Variants in ASTN2 observed in about 807,000 individuals in gnomAD.
ASTN2 encodes the protein astrotactin-2.
Under a neutral mutation model 139.8 loss-of-function variants are expected in ASTN2, and 54 were observed. The ratio of observed to expected loss-of-function variants is 0.39; its 90% CI spans 0.31 to 0.48. The LOEUF (loss-of-function observed/expected upper bound fraction) is 0.48. Among genes scored for constraint, ASTN2 ranks in the 20% least tolerant of loss-of-function variants. The pLI is 0.95. For missense variants in ASTN2, 1,565 were observed against 1,725.1 expected, an observed-to-expected ratio of 0.91 and a Z score of 1.64; for synonymous variants, 756 against 719.5, an observed-to-expected ratio of 1.05 and a Z score of -0.81.
chr9:116,505,321 T>G (rs192394190), intron 19 of ASTN2, among the ~76,000 whole-genome samples: 48 of 152,150 alleles, frequency 3.2e-4, no homozygotes, highest in Admixed American at 2.1e-3. Context: ...TGGTTCCCGC[T>G]CAGCTTTTCC....
intron 4 of ASTN2, among the ~76,000 whole-genome samples, chr9:117,132,740 C>T (rs1196219698): frequency 6.6e-6 from 1 of 152,122 alleles, no homozygotes; most frequent in African/African-American, 2.4e-5. Context: ...TCCCCGGCTG[C>T]ACCTCTTAGA....
Position 116,501,552 on chromosome 9 carries a change from G to C in ASTN2, c.3356-14052C>G, listed in dbSNP as rs1321087186. Among the ~76,000 whole-genome samples, 7 of 152,046 alleles carry C rather than the reference G, an allele frequency of 4.6e-5. No individual in the cohort carries two copies. The East Asian group carries it at 5.8e-4, about 13-fold the overall frequency. ...TGAGGAATCGCCACACTGACTTCCA[G>C]AATGGTTGAACTAGTTTACAGTCCC... On this transcript the variant is annotated intron_variant, in intron 19 of 22. Coordinates refer to ENST00000313400, the MANE Select transcript of ASTN2 (RefSeq NM_001365068.1).
chr9:117,153,989 T>C (rs1830380240), intron 3 of ASTN2, among the ~76,000 whole-genome samples: 2 of 152,092 alleles, frequency 1.3e-5, no homozygotes, highest in Admixed American at 6.6e-5. Flanking sequence ...GAGAGCAGAA[T>C]GTGGAATCTG....
intron 13 of ASTN2, among the ~76,000 whole-genome samples, chr9:116,795,300 T>C (rs1321534888): frequency 6.6e-6 from 1 of 152,252 alleles, no homozygotes; most frequent in Non-Finnish European, 1.5e-5. Flanking sequence ...ATTTTTAATA[T>C]CACCCTAGAG....
chr9:117,292,817 G>A (rs1025676483), intron 1 of ASTN2, among the ~76,000 whole-genome samples: 6 of 151,900 alleles, frequency 3.9e-5, no homozygotes, highest in Non-Finnish European at 7.4e-5. Flanking sequence ...CTGATGACAC[G>A]GAATGAAAAA....
chr9:116,998,557 C>CCATCCATCCATA (rs1554767983), intron 7 of ASTN2, among the ~76,000 whole-genome samples: 3 of 151,886 alleles, frequency 2.0e-5, no homozygotes. Flanking sequence ...TTTCATCCAT[C>CCATCCATCCATA]CATCCATCCA....
At chr9:116,993,978 T>C (rs1219052200) in intron 7 of ASTN2, among the ~76,000 whole-genome samples, 5 of 151,672 alleles carry the variant, frequency 3.3e-5, no homozygotes, top group Non-Finnish European at 7.4e-5. Flanking sequence ...TTGTTTTGTT[T>C]TCTTTCTTCT....
intron 13 of ASTN2, among the ~76,000 whole-genome samples, chr9:116,742,223 C>A (rs1402026794): frequency 6.6e-6 from 1 of 152,228 alleles, no homozygotes; most frequent in East Asian, 1.9e-4. Context: ...CAAAACCCAG[C>A]CTGTGCTGAG....
intron 16 of ASTN2, among the ~76,000 whole-genome samples, chr9:116,704,127 T>G (rs1284618741): frequency 6.6e-6 from 1 of 152,188 alleles, no homozygotes; most frequent in Non-Finnish European, 1.5e-5. Flanking sequence ...GCATTTTAAC[T>G]AGCTGTGTGA....
At chr9:117,362,722 G>A (rs778925902) in intron 1 of ASTN2, among the ~76,000 whole-genome samples, 14 of 152,228 alleles carry the variant, frequency 9.2e-5, no homozygotes, top group Non-Finnish European at 1.9e-4. Flanking sequence ...CACCACCACT[G>A]TGCCCCATAT....
chr9:116,799,709 G>GA (rs1010686422), intron 13 of ASTN2, among the ~76,000 whole-genome samples: 3 of 136,550 alleles, frequency 2.2e-5, no homozygotes, highest in Admixed American at 7.0e-5. Flanking sequence ...AAGAGAGTGG[G>GA]GGGGGGGAGA....
chr9:116,939,320 C>T (rs577873891), intron 10 of ASTN2, among the ~76,000 whole-genome samples: 68 of 152,108 alleles, frequency 4.5e-4, no homozygotes, highest in East Asian at 4.2e-3. Flanking sequence ...AAAATAATCA[C>T]TTTTATTATA....
chr9:116,521,168 T>C (rs558095668), intron 19 of ASTN2, among the ~76,000 whole-genome samples: 1 of 152,148 alleles, frequency 6.6e-6, no homozygotes, highest in African/African-American at 2.4e-5. Context: ...AAAATCTATG[T>C]GGGACCAAAA....
intron 19 of ASTN2, among the ~76,000 whole-genome samples, chr9:116,511,745 T>C (rs1459910478): frequency 6.6e-6 from 1 of 152,186 alleles, no homozygotes; most frequent in African/African-American, 2.4e-5. Context: ...GGTGGATGTG[T>C]CCAGGAATTT....
intron 1 of ASTN2, among the ~76,000 whole-genome samples, chr9:117,366,227 C>T (rs978545161): frequency 6.6e-6 from 1 of 152,128 alleles, no homozygotes; most frequent in South Asian, 2.1e-4. Context: ...CCAATTAATA[C>T]ACTCAATGAT....
chr9:116,565,422 TATATA>T (rs1564120589), intron 19 of ASTN2, among the ~76,000 whole-genome samples: 52 of 129,394 alleles, frequency 4.0e-4, no homozygotes, highest in East Asian at 3.1e-3. Context: ...TATATATATA[TATATA>T]TATTTATTTA....
At chr9:116,667,736 T>G (rs1858954378) in intron 16 of ASTN2, among the ~76,000 whole-genome samples, 1 of 152,196 alleles carries the variant, frequency 6.6e-6, no homozygotes, top group African/African-American at 2.4e-5. Flanking sequence ...ACTTGTATTG[T>G]TTTTTAAAGA....
intron 16 of ASTN2, among the ~76,000 whole-genome samples, chr9:116,668,168 T>C (rs1424624726): frequency 6.6e-6 from 1 of 151,534 alleles, no homozygotes; most frequent in Non-Finnish European, 1.5e-5. Flanking sequence ...ACAGTGGGAA[T>C]CATACAGTAT....
intron 4 of ASTN2, among the ~76,000 whole-genome samples, chr9:117,105,191 C>G (rs1267414544): frequency 3.3e-5 from 5 of 152,262 alleles, no homozygotes; most frequent in Non-Finnish European, 7.4e-5. Context: ...GAACGTAACT[C>G]TAATCTACAG....
Sources: allele counts gnomAD v4.1 joint callset (sites outside exome capture counted in the v4.1 genomes callset), GRCh38; gene constraint gnomAD v4.1.1; transcripts MANE v1.5; gene names NCBI Gene and HGNC (gene_info 2026-07-23, HGNC 2026-07-21).